The following SH3KBP1 variants were observed in gnomAD, a reference collection of about 807,000 sequenced individuals.
The protein encoded by SH3KBP1 is SH3 domain containing kinase binding protein 1, also known as SH3 domain-containing kinase-binding protein 1.
Under a neutral mutation model 50.1 loss-of-function variants are expected in SH3KBP1, and 8 were observed. The observed-to-expected ratio is 0.16, with a 90% CI of 0.09 to 0.29. The LOEUF (loss-of-function observed/expected upper bound fraction) is 0.29. SH3KBP1 is among the 10% of genes least tolerant of loss of function. SH3KBP1 has a pLI of 1.00. For missense variants in SH3KBP1, 377 were observed against 535.2 expected (o/e 0.70, Z 2.92); for synonymous variants, 227 against 218.6 (o/e 1.04, Z -0.34).
chrX:19,876,212 T>A (rs921667570), intron 1 of SH3KBP1, among the ~76,000 whole-genome samples: 2 of 110,813 alleles, frequency 1.8e-5, no homozygotes, highest in Non-Finnish European at 3.8e-5. Context: ...TACAAAAAAA[T>A]TAGCTGGGCA....
intron 8 of SH3KBP1, among the ~76,000 whole-genome samples, chrX:19,621,028 T>C (rs1476569132): frequency 9.3e-6 from 1 of 107,156 alleles, no homozygotes; most frequent in Non-Finnish European, 1.9e-5. Flanking sequence ...TTTTTTTTTT[T>C]CTGCCTATGG....
At chrX:19,675,689 G>C (rs983471354) in intron 6 of SH3KBP1, among the ~76,000 whole-genome samples, 1 of 111,729 alleles carries the variant, frequency 9.0e-6, no homozygotes. Flanking sequence ...ACCACACCCG[G>C]CCAACCACTA....
At chrX:19,786,066 C>A (rs2066337764) in intron 2 of SH3KBP1, among the ~76,000 whole-genome samples, 1 of 111,907 alleles carries the variant, frequency 8.9e-6, no homozygotes, top group Admixed American at 9.5e-5. Context: ...TAAGATGGTA[C>A]ATTTTATGTT....
At chrX:19,641,005 C>T (rs1392927639) in intron 7 of SH3KBP1, among the ~76,000 whole-genome samples, 1 of 112,089 alleles carries the variant, frequency 8.9e-6, no homozygotes, top group African/African-American at 3.2e-5. Context: ...GCTGTTGAGC[C>T]CCTATGCTGC....
At chrX:19,676,758 T>C (rs1194144136) in intron 6 of SH3KBP1, among the ~76,000 whole-genome samples, 1 of 112,806 alleles carries the variant, frequency 8.9e-6, no homozygotes, top group Non-Finnish European at 1.9e-5. Flanking sequence ...ATTCTAATTA[T>C]CTGTCCCAAG....
chrX:19,615,917 C>CT (rs778419717), intron 8 of SH3KBP1, among the ~76,000 whole-genome samples: 1,086 of 96,659 alleles, frequency 0.011, 5 homozygotes, highest in East Asian at 0.016. Context: ...CAGTCATTCA[C>CT]TTTTTTTTTT....
At position 19,684,015 on chromosome X, in the gene SH3KBP1, G is replaced by C; in HGVS notation, c.534C>G (p.Thr178=). 2 of 1,209,286 alleles carry C rather than the reference G, an allele frequency of 1.7e-6. No homozygotes were observed. Among genetic ancestry groups the C allele is most frequent in the Non-Finnish European group, 2.2e-6 (2 of 893,865 alleles). ...EQLSKSSLRE[T]TGSESDGGDS... ...CACCCCCATCACTCTCGGAGCCTGT[G>C]GTTTCCCTTAAACCTGTCAAGAGTG... Residue 178 remains threonine, a synonymous_variant, in exon 6 of 18, where the codon ACC becomes ACG. Coordinates refer to ENST00000397821, the MANE Select transcript of SH3KBP1 (RefSeq NM_031892.3).
chrX:19,747,559 G>A (rs867637175), intron 2 of SH3KBP1: 3 of 333,674 alleles, frequency 9.0e-6, no homozygotes, highest in Admixed American at 6.3e-5. Flanking sequence ...AGAGGGCCAT[G>A]ACTAGGCCCG....
intron 2 of SH3KBP1, among the ~76,000 whole-genome samples, chrX:19,758,259 C>T (rs1393774105): frequency 1.0e-5 from 1 of 95,610 alleles, no homozygotes; most frequent in African/African-American, 3.8e-5. Flanking sequence ...ACCCTGGAAG[C>T]GGAGGTTGCA....
intron 7 of SH3KBP1, among the ~76,000 whole-genome samples, chrX:19,639,216 TGAA>T (rs1425858217): frequency 1.8e-5 from 2 of 111,815 alleles, no homozygotes; most frequent in African/African-American, 6.5e-5. Flanking sequence ...TCTTCCTTTA[TGAA>T]GAAGCTGACC....
intron 7 of SH3KBP1, among the ~76,000 whole-genome samples, chrX:19,638,185 C>T (rs111320918): frequency 0.023 from 2,478 of 109,124 alleles, 73 homozygotes; most frequent in African/African-American, 0.071. Context: ...CCGAGGCAGG[C>T]GGATCATGAG....
At chrX:19,674,803 G>T (rs781359222) in intron 6 of SH3KBP1, among the ~76,000 whole-genome samples, 227 of 111,671 alleles carry the variant, frequency 2.0e-3, no homozygotes, top group African/African-American at 7.1e-3. Context: ...AAGAGGCCAG[G>T]CATGGTGGCT....
intron 1 of SH3KBP1, among the ~76,000 whole-genome samples, chrX:19,866,120 T>C (rs1321715145): frequency 5.4e-5 from 6 of 111,844 alleles, no homozygotes; most frequent in African/African-American, 2.0e-4. Context: ...ATGAGAGCCC[T>C]GCTGCAGAAA....
chrX:19,636,333 GA>G (rs377183143), intron 7 of SH3KBP1, among the ~76,000 whole-genome samples: 33 of 100,509 alleles, frequency 3.3e-4, no homozygotes, highest in African/African-American at 5.7e-4. Context: ...ACTCTTTCCA[GA>G]AAAAAAAAAA....
chrX:19,651,853 GTCAA>G (rs1347109806), intron 6 of SH3KBP1, among the ~76,000 whole-genome samples: 7 of 112,102 alleles, frequency 6.2e-5, no homozygotes, highest in African/African-American at 1.9e-4. Flanking sequence ...CAGTCAGTCA[GTCAA>G]TCAATCAATC....
chrX:19,583,623 C>T (rs2066451920), intron 12 of SH3KBP1, among the ~76,000 whole-genome samples: 1 of 110,065 alleles, frequency 9.1e-6, no homozygotes, highest in Non-Finnish European at 1.9e-5. Context: ...CCTTCATGTG[C>T]GTTTCCACTT....
At chrX:19,669,635 A>C (rs2062733064) in intron 6 of SH3KBP1, among the ~76,000 whole-genome samples, 1 of 111,650 alleles carries the variant, frequency 9.0e-6, no homozygotes, top group Admixed American at 9.5e-5. Flanking sequence ...TCAGATTTCT[A>C]CTCATCAGAA....
intron 2 of SH3KBP1, among the ~76,000 whole-genome samples, chrX:19,833,216 C>T (rs780377527): frequency 9.2e-5 from 10 of 108,530 alleles, no homozygotes; most frequent in Admixed American, 7.8e-4. Flanking sequence ...CCTCCTCCCT[C>T]TTTCCCACAG....
At chrX:19,542,593 G>C (rs778435233) in intron 15 of SH3KBP1, among the ~76,000 whole-genome samples, 21 of 111,357 alleles carry the variant, frequency 1.9e-4, no homozygotes, top group African/African-American at 6.5e-4. Flanking sequence ...GAGATGGGGG[G>C]ACAACTGCAC....
Sources: gnomAD v4.1 joint callset for allele counts (sites outside exome capture counted in the v4.1 genomes callset) on GRCh38, gnomAD v4.1.1 for gene constraint, MANE v1.5 for transcripts, NCBI Gene and HGNC (gene_info 2026-07-23, HGNC 2026-07-21) for gene names.